Variants in SLC4A7 observed in about 807,000 individuals in gnomAD.
SLC4A7 encodes the protein sodium bicarbonate cotransporter 3.
In SLC4A7, 51 loss-of-function variants were observed where a neutral mutation model predicts 137.6. That is an observed-to-expected ratio of 0.37 (90% CI 0.30 to 0.47). The LOEUF is 0.47. Ranked by LOEUF, SLC4A7 falls within the 20% of genes least tolerant of loss-of-function variation. The pLI, the probability that SLC4A7 is intolerant of heterozygous loss-of-function variation, is 1.00. For missense variants in SLC4A7, 1,247 were observed against 1,525.4 expected (o/e 0.82, Z 3.04); for synonymous variants, 542 against 518.6 (o/e 1.05, Z -0.61).
intron 1 of SLC4A7, among the ~76,000 whole-genome samples, chr3:27,460,703 AT>A: frequency 6.6e-6 from 1 of 152,342 alleles, no homozygotes; most frequent in Admixed American, 6.5e-5. Context: ...CACGATGAAT[AT>A]ATGGGTGATA....
chr3:27,433,999 C>T lies in SLC4A7; in HGVS notation c.695G>A (p.Arg232Lys). 2 of 1,613,812 alleles carry T rather than the reference C, an allele frequency of 1.2e-6. No homozygotes were observed. Among genetic ancestry groups the T allele is most frequent in the Admixed American group, 1.7e-5 (1 of 60,000 alleles). ...LKRHHHQNEK[R>K]FTSRIPLVRS... ...AACAAGAGGAATCCGACTGGTGAATCTTTTCTCATTCTGATGATGATGTCT... is the reference window on the plus strand; with the variant it reads ...AACAAGAGGAATCCGACTGGTGAATTTTTTCTCATTCTGATGATGATGTCT... The change falls in exon 6 of 26, where the codon AGA (arginine) becomes AAA (lysine). Residue 232 changes from arginine (R) to lysine (K), a missense_variant. Around this residue, in one of 6 missense-constraint regions of SLC4A7, gnomAD observed 223 missense variants for 203.6 expected, o/e 1.10. Coordinates refer to ENST00000454389, the MANE Select transcript of SLC4A7 (RefSeq NM_001321103.2).
chr3:27,451,308 C>T (rs2058060542), intron 2 of SLC4A7, among the ~76,000 whole-genome samples: 1 of 151,934 alleles, frequency 6.6e-6, no homozygotes, highest in Non-Finnish European at 1.5e-5. Context: ...GGATGTAGTT[C>T]CTATAAACAT....
At chr3:27,459,674 C>T (rs1439089714) in intron 1 of SLC4A7, among the ~76,000 whole-genome samples, 2 of 152,066 alleles carry the variant, frequency 1.3e-5, no homozygotes, top group South Asian at 4.1e-4. Context: ...ACTTAAACTA[C>T]ATTTTTAAGT....
At chr3:27,406,978 GA>G (rs1179751848) in intron 13 of SLC4A7, among the ~76,000 whole-genome samples, 1 of 151,408 alleles carries the variant, frequency 6.6e-6, no homozygotes, top group African/African-American at 2.4e-5. Flanking sequence ...TACATACAGA[GA>G]AAAAAAGCAA....
chr3:27,444,622 A>G (rs1457510375), intron 3 of SLC4A7, among the ~76,000 whole-genome samples: 1 of 152,008 alleles, frequency 6.6e-6, no homozygotes, highest in African/African-American at 2.4e-5. Context: ...TCCATTTCAG[A>G]TACTGTATTT....
chr3:27,416,950 A>G (rs1331936811), intron 11 of SLC4A7, among the ~76,000 whole-genome samples: 1 of 152,214 alleles, frequency 6.6e-6, no homozygotes, highest in Non-Finnish European at 1.5e-5. Context: ...TTTAAAAACC[A>G]TTACGCATAT....
At chr3:27,428,053 TGGAA>T (rs2055840822) in intron 7 of SLC4A7, among the ~76,000 whole-genome samples, 1 of 152,100 alleles carries the variant, frequency 6.6e-6, no homozygotes, top group African/African-American at 2.4e-5. Context: ...TTGGAAAAAA[TGGAA>T]GGAAGTAGCT....
Position 27,452,471 on chromosome 3 carries a change from G to T in SLC4A7, c.88C>A (p.Leu30Ile). The change falls in exon 2 of 26, where the codon CTT becomes ATT. Residue 30 changes from leucine to isoleucine, a missense_variant. Physicochemically the swap from Leu to Ile is conservative, Grantham distance 5. Transcript: ENST00000454389. ...TTCACAGTTGAGCTAGTTTTGCCAA[G>T]ATCCACAACAGCTTCTTCATCAGGA... ...RGPDEEAVVD[L>I]GKTSSTVNTK... 1 of 1,604,392 alleles carries T rather than the reference G, an allele frequency of 6.2e-7. No homozygotes were observed. The highest frequency in any genetic ancestry group is 8.5e-7 in the Non-Finnish European group (1 of 1,177,862).
rs775676530 is a variant in SLC4A7, at chr3:27,434,121, A to G, written c.590-17T>C. ...ATACCATATCTATTCAATGAAAAAAAAAATAAATTACTAAACACTCAGATG... is the reference window on the plus strand; with the variant it reads ...ATACCATATCTATTCAATGAAAAAAGAAATAAATTACTAAACACTCAGATG... On this transcript the variant is annotated splice_polypyrimidine_tract_variant and intron_variant, in intron 5 of 25. Transcript: ENST00000454389. 1 of 1,557,626 alleles carries G rather than the reference A, an allele frequency of 6.4e-7. No homozygotes were observed. Among genetic ancestry groups the G allele is most frequent in the Non-Finnish European group, 8.7e-7 (1 of 1,150,510 alleles).
At chr3:27,422,416 C>A (rs532453337) in intron 8 of SLC4A7, among the ~76,000 whole-genome samples, 6 of 151,962 alleles carry the variant, frequency 3.9e-5, no homozygotes, top group African/African-American at 1.5e-4. Context: ...TACAGGCATG[C>A]GCTACCACGC....
chr3:27,382,924 T>C lies in SLC4A7; in HGVS notation c.3590+229A>G, dbSNP rs190999455. 5.1e-3 allele frequency among the ~76,000 whole-genome samples: 781 copies of C among 152,336 alleles called. 5 individuals carry two copies. Among genetic ancestry groups the C allele is most frequent in the Non-Finnish European group, 6.5e-3 (444 of 68,022 alleles). On this transcript the variant is annotated intron_variant, in intron 24 of 25. Transcript: ENST00000454389. Reference sequence around the variant, plus strand: ...ACAAGCAAATTTTATTGGCTTGGCATGGAAGTTAGTTTAAGTCCAGCTTGG... The same window carrying C: ...ACAAGCAAATTTTATTGGCTTGGCACGGAAGTTAGTTTAAGTCCAGCTTGG...
At chr3:27,401,424 T>C (rs772959283) in intron 15 of SLC4A7, among the ~76,000 whole-genome samples, 1 of 152,200 alleles carries the variant, frequency 6.6e-6, no homozygotes, top group African/African-American at 2.4e-5. Flanking sequence ...TCCAGAACTA[T>C]TTCAACTACC....
At chr3:27,440,859 A>G (rs923422166) in intron 3 of SLC4A7, among the ~76,000 whole-genome samples, 11 of 152,140 alleles carry the variant, frequency 7.2e-5, no homozygotes, top group African/African-American at 2.7e-4. Flanking sequence ...AGCCTGGCCA[A>G]CATGGTGAAA....
intron 1 of SLC4A7, among the ~76,000 whole-genome samples, chr3:27,463,665 T>A (rs1576620651): frequency 6.6e-6 from 1 of 151,786 alleles, no homozygotes; most frequent in Non-Finnish European, 1.5e-5. Flanking sequence ...GAGGATGGGG[T>A]GGAGCCGCGA....
intron 1 of SLC4A7, among the ~76,000 whole-genome samples, chr3:27,473,224 A>C (rs1271290062): frequency 6.6e-6 from 1 of 152,144 alleles, no homozygotes; most frequent in Non-Finnish European, 1.5e-5. Flanking sequence ...ACTTGAGCCC[A>C]GGAGTTCAAG....
At position 27,388,342 on chromosome 3, in the gene SLC4A7, G is replaced by T. The variant is rs2051181431; in HGVS notation, c.3360+1589C>A. Among the ~76,000 whole-genome samples, 5 of 152,182 alleles carry T rather than the reference G, an allele frequency of 3.3e-5. No individual in the cohort carries two copies. The South Asian group carries it at 1.0e-3, about 32-fold the overall frequency. On this transcript the variant is annotated intron_variant, in intron 22 of 25. Coordinates refer to ENST00000454389, the MANE Select transcript of SLC4A7 (RefSeq NM_001321103.2). The stretch of plus-strand genomic sequence containing the variant: ...TTTTGTGCAACTTAATTAGCCTTGG[G>T]TATTAATAACTTGTCAGTGTTTTTT...
At chr3:27,390,126 A>G (rs754987786) in intron 21 of SLC4A7, 22 bp from the exon 22 acceptor site, 3 of 1,440,120 alleles carry the variant, frequency 2.1e-6, no homozygotes. Context: ...ATAAAAAACA[A>G]AGAAGTTTTC....
At position 27,397,814 on chromosome 3, in the gene SLC4A7, A is replaced by G. The variant is rs1229113971; in HGVS notation, c.2590-17T>C. On this transcript the variant is annotated splice_polypyrimidine_tract_variant and intron_variant, in intron 17 of 25. Coordinates refer to ENST00000454389, the MANE Select transcript of SLC4A7 (RefSeq NM_001321103.2). ...CGATCGCACCTATGTTAAAGGGATT[A>G]TGTTAATATAAACACAGAAATACTA... The G allele has an allele frequency of 7.4e-7, 1 of 1,349,586 alleles. No individual in the cohort carries two copies. The highest frequency in any genetic ancestry group is 1.1e-6 in the Non-Finnish European group (1 of 951,758). The allele number at this position is 1,349,586 out of a possible 1,614,324, so 83.6% of individuals were successfully genotyped here.
Position 27,484,153 on chromosome 3 carries a change from G to A in SLC4A7, c.-27C>T. 7.4e-7 allele frequency: 1 copy of A among 1,345,772 alleles called. No individual in the cohort carries two copies. Among genetic ancestry groups the A allele is most frequent in the Middle Eastern group, 2.1e-4 (1 of 4,764 alleles). 83.4% of individuals were successfully genotyped at this position (1,345,772 alleles called of 1,614,324 possible). A position where few individuals can be genotyped will look rare whatever the true frequency, so the allele number is the denominator to read the frequency against. On this transcript the variant is annotated 5_prime_UTR_variant, in exon 1 of 26. Transcript: ENST00000454389. ...GCCGGCCGGCCAGCCCGTGACGGCC[G>A]CTACGGTACTGCCCCGCGCGGTCTG...
Sources: allele counts gnomAD v4.1 joint callset (sites outside exome capture counted in the v4.1 genomes callset), GRCh38; gene constraint gnomAD v4.1.1; regional missense constraint gnomAD v4.1.1; transcripts MANE v1.5; gene names NCBI Gene and HGNC (gene_info 2026-07-23, HGNC 2026-07-21).